Variants in PHF8 observed in about 807,000 individuals in gnomAD.
PHF8 encodes histone lysine demethylase PHF8.
A neutral mutation model predicts 74.4 loss-of-function variants in PHF8; 9 were observed. The observed-to-expected ratio is 0.12, with a 90% CI of 0.07 to 0.21. The LOEUF (loss-of-function observed/expected upper bound fraction) is 0.21. PHF8 is among the 10% of genes least tolerant of loss of function. PHF8 has a pLI of 1.00. For missense variants in PHF8, 478 were observed against 816.6 expected (o/e 0.59, Z 5.05); for synonymous variants, 311 against 316.6 (o/e 0.98, Z 0.19).
Position 54,044,422 on chromosome X carries a change from G to A in PHF8, c.-753C>T. 1 of 753,460 alleles carries A rather than the reference G, an allele frequency of 1.3e-6. No individual in the cohort carries two copies. Among genetic ancestry groups the A allele is most frequent in the Non-Finnish European group, 1.6e-6 (1 of 638,065 alleles). 62.1% of individuals were successfully genotyped at this position (753,460 alleles called of 1,213,427 possible). A position where few individuals can be genotyped will look rare whatever the true frequency, so the allele number is the denominator to read the frequency against. ...CAGCTACCATGTTGAGAGTGGCGGC[G>A]CTACCCAGACAACCAAGGCGACCGC... On this transcript the variant is annotated 5_prime_UTR_variant, in exon 1 of 22. Coordinates refer to ENST00000338154, the MANE Select transcript of PHF8 (RefSeq NM_015107.3).
intron 18 of PHF8, among the ~76,000 whole-genome samples, chrX:53,974,739 C>T (rs781793760): frequency 7.1e-4 from 80 of 112,072 alleles, no homozygotes; most frequent in African/African-American, 2.4e-3. Flanking sequence ...TAAAAAGGAA[C>T]GACATCACGT....
chrX:54,016,701 G>A lies in PHF8; in HGVS notation c.490C>T (p.Arg164Cys). 1.7e-6 allele frequency: 2 copies of A among 1,202,511 alleles called. No individual in the cohort carries two copies. The highest frequency in any genetic ancestry group is 2.3e-6 in the Non-Finnish European group (2 of 887,581). ...DKEIDVIDVT[R>C]QADCKMKLGD... ...AGCTTCATCTTGCAGTCAGCCTGGC[G>A]GGTCACATCAATCACATCAATCTCT... Residue 164 changes from arginine (R) to cysteine (C), a missense_variant, in exon 6 of 22, where the codon CGC becomes TGC. Physicochemically the swap from Arg to Cys is radical, Grantham distance 180. Coordinates refer to ENST00000338154, the MANE Select transcript of PHF8 (RefSeq NM_015107.3).
At chrX:53,999,804 T>C (rs1557103802) in intron 11 of PHF8, 66 bp downstream of exon 11, 1 of 671,800 alleles carries the variant, frequency 1.5e-6, no homozygotes, top group Non-Finnish European at 2.4e-6. Context: ...CTCCAAAACA[T>C]CTACCCAAAT....
intron 14 of PHF8, among the ~76,000 whole-genome samples, chrX:53,990,007 T>G (rs1328435833): frequency 8.9e-6 from 1 of 111,827 alleles, no homozygotes; most frequent in Non-Finnish European, 1.9e-5. Context: ...ATGACAGCTA[T>G]GTATGCCCTG....
intron 19 of PHF8, among the ~76,000 whole-genome samples, chrX:53,950,053 C>T (rs782244810): frequency 2.7e-5 from 3 of 110,710 alleles, no homozygotes; most frequent in Non-Finnish European, 3.8e-5. Flanking sequence ...TGGAAATTAA[C>T]AAAAGGCTTG....
At position 54,009,844 on chromosome X, in the gene PHF8, G is replaced by GGAA. The variant is rs2065952773; in HGVS notation, c.946+1277_946+1278insTTC. Among the ~76,000 whole-genome samples, 44 of 9,390 alleles carry GGAA rather than the reference G, an allele frequency of 4.7e-3. 5 individuals are homozygous for GGAA. The highest frequency in any genetic ancestry group is 5.3e-3 in the African/African-American group (34 of 6,417). The allele number at this position is 9,390 out of a possible 115,157, so 8.2% of individuals were successfully genotyped here. On this transcript the variant is annotated intron_variant, in intron 8 of 21. Transcript: ENST00000338154. The stretch of plus-strand genomic sequence containing the variant: ...GGTGACAGAGTGAGACTCTGTCTCA[G>GGAA]AAAAAAAAAAAAAAAAAAAAAAAAA...
At chrX:54,014,244 C>T (rs1033510304) in intron 7 of PHF8, 133 bp downstream of exon 7, 4 of 520,056 alleles carry the variant, frequency 7.7e-6, no homozygotes, top group Non-Finnish European at 1.3e-5. Context: ...CGTGAGCCAC[C>T]GCGCCCGGCC....
chrX:54,035,496 C>T (rs1408143252), intron 2 of PHF8, among the ~76,000 whole-genome samples: 1 of 109,345 alleles, frequency 9.1e-6, no homozygotes, highest in Non-Finnish European at 1.9e-5. Flanking sequence ...ACAGAGATAA[C>T]TCGGGCCAAG....
At chrX:54,010,971 T>C (rs1403540675) in intron 8 of PHF8, 151 bp downstream of exon 8, 3 of 525,542 alleles carry the variant, frequency 5.7e-6, no homozygotes, top group East Asian at 3.6e-5. Flanking sequence ...GCCCACTGAC[T>C]ACCACATGAA....
At chrX:54,044,744 C>G (rs781867457), upstream of PHF8, 51 of 525,692 alleles carry the variant, frequency 9.7e-5, no homozygotes, top group Non-Finnish European at 1.4e-4. Flanking sequence ...GTTCAGCTAC[C>G]CCGACTCGCA....
chrX:54,025,333 C>T (rs2066250967), intron 2 of PHF8, among the ~76,000 whole-genome samples: 1 of 110,849 alleles, frequency 9.0e-6, no homozygotes, highest in African/African-American at 3.3e-5. Context: ...CCCATACCCT[C>T]ATAACTCAGG....
At chrX:53,964,668 C>T (rs2149798363) in intron 18 of PHF8, among the ~76,000 whole-genome samples, 1 of 110,575 alleles carries the variant, frequency 9.0e-6, no homozygotes, top group East Asian at 2.8e-4. Context: ...GAGTTCGAGA[C>T]CAGCCTGGCC....
intron 1 of PHF8, chrX:54,043,334 A>T: frequency 8.6e-6 from 1 of 116,726 alleles, no homozygotes. Context: ...CTTCACGAAC[A>T]AGACAGACAA....
chrX:53,950,064 C>T (rs1352262019), intron 19 of PHF8, among the ~76,000 whole-genome samples: 1 of 110,953 alleles, frequency 9.0e-6, no homozygotes. Context: ...AAAAGGCTTG[C>T]AGCAACCTGG....
Position 54,044,006 on chromosome X carries a change from G to T in PHF8, c.-337C>A. On this transcript the variant is annotated 5_prime_UTR_variant, in exon 1 of 22. Transcript: ENST00000338154. The stretch of plus-strand genomic sequence containing the variant: ...GCGACGCGCGTCGAATTCTGGGATA[G>T]TCCCCGTACCGCCGGGAACCTCGCT... 2 of 755,022 alleles carry T rather than the reference G, an allele frequency of 2.6e-6. No homozygotes were observed. The highest frequency in any genetic ancestry group is 2.3e-5 in the African/African-American group (1 of 44,111). 62.2% of individuals were successfully genotyped at this position (755,022 alleles called of 1,213,427 possible). A position where few individuals can be genotyped will look rare whatever the true frequency, so the allele number is the denominator to read the frequency against.
At chrX:54,013,565 C>G (rs2149872739) in intron 7 of PHF8, among the ~76,000 whole-genome samples, 1 of 111,128 alleles carries the variant, frequency 9.0e-6, no homozygotes, top group East Asian at 2.8e-4. Flanking sequence ...CGACTGTAAT[C>G]CCAACACTTT....
intron 18 of PHF8, among the ~76,000 whole-genome samples, chrX:53,963,615 C>G (rs182804867): frequency 3.6e-5 from 4 of 112,006 alleles, no homozygotes; most frequent in African/African-American, 1.3e-4. Flanking sequence ...ATTTATCCAG[C>G]CAACAAACAT....
chrX:53,992,619 T>C (rs1557101675), intron 14 of PHF8, 117 bp downstream of exon 14: 1 of 514,736 alleles, frequency 1.9e-6, no homozygotes, highest in Non-Finnish European at 3.5e-6. Context: ...GGTATTGCCC[T>C]AAGTACAGTC....
chrX:53,938,916 C>T lies in PHF8; in HGVS notation c.*242G>A. On this transcript the variant is annotated 3_prime_UTR_variant, in exon 22 of 22. Transcript: ENST00000338154. ...GAGTAGAAAAGAGGGTTCTAGTCAG[C>T]TGGAAACCTCTCCCATTTACCTGCT... 1.0e-6 allele frequency: 1 copy of T among 965,049 alleles called. No homozygotes were observed. The highest frequency in any genetic ancestry group is 1.3e-6 in the Non-Finnish European group (1 of 770,960). 79.5% of individuals were successfully genotyped at this position (965,049 alleles called of 1,213,427 possible).
Sources: allele counts gnomAD v4.1 joint callset (sites outside exome capture counted in the v4.1 genomes callset), GRCh38; gene constraint gnomAD v4.1.1; transcripts MANE v1.5; gene names NCBI Gene and HGNC (gene_info 2026-07-23, HGNC 2026-07-21).